Variants in OSBPL3 observed in about 807,000 individuals in gnomAD.
The protein encoded by OSBPL3 is oxysterol-binding protein-related protein 3.
Under a neutral mutation model 120.1 loss-of-function variants are expected in OSBPL3, and 65 were observed. That is an observed-to-expected ratio of 0.54 (90% CI 0.44 to 0.67). The LOEUF is 0.67. Among genes scored for constraint, OSBPL3 ranks in the 30% least tolerant of loss-of-function variants. The pLI, the probability that OSBPL3 is intolerant of heterozygous loss-of-function variation, is 0.00. For missense variants in OSBPL3, 1,004 were observed against 1,082.1 expected, an observed-to-expected ratio of 0.93 and a Z score of 1.01; for synonymous variants, 416 against 402.6, an observed-to-expected ratio of 1.03 and a Z score of -0.40.
intron 12 of OSBPL3, among the ~76,000 whole-genome samples, chr7:24,843,511 C>T (rs142061971): frequency 6.6e-6 from 1 of 152,230 alleles, no homozygotes; most frequent in African/African-American, 2.4e-5. Flanking sequence ...AGGATATACC[C>T]CTCAGTCTCA....
At chr7:24,832,251 C>G (rs1223658421) in intron 15 of OSBPL3, among the ~76,000 whole-genome samples, 2 of 148,560 alleles carry the variant, frequency 1.3e-5, no homozygotes, top group Non-Finnish European at 3.0e-5. Context: ...GTAGCTCACA[C>G]CTGTAATCTC....
intron 1 of OSBPL3, among the ~76,000 whole-genome samples, chr7:24,979,198 G>A (rs1314806959): frequency 6.6e-6 from 1 of 152,156 alleles, no homozygotes; most frequent in Non-Finnish European, 1.5e-5. Context: ...AGACGCTGCA[G>A]GGCCTCCAGG....
intron 13 of OSBPL3, among the ~76,000 whole-genome samples, chr7:24,842,011 TA>T (rs879318638): frequency 0.01 from 1,426 of 141,270 alleles, 8 homozygotes; most frequent in Non-Finnish European, 0.014. Context: ...AGGCTCTGTT[TA>T]AAAAAAAAAA....
At chr7:24,865,220 C>A (rs550388295) in intron 7 of OSBPL3, 122 bp downstream of exon 7, 2 of 1,053,850 alleles carry the variant, frequency 1.9e-6, no homozygotes, top group Non-Finnish European at 1.4e-6. Context: ...CCTTTACAAG[C>A]AAAATATGGA....
Position 24,896,759 on chromosome 7 carries a change from T to C in OSBPL3, c.-149-4138A>G, listed in dbSNP as rs1444187110. Among the ~76,000 whole-genome samples, 1 of 152,144 alleles carries C rather than the reference T, an allele frequency of 6.6e-6. No individual in the cohort carries two copies. The highest frequency in any genetic ancestry group is 1.5e-5 in the Non-Finnish European group (1 of 68,022). On this transcript the variant is annotated intron_variant, in intron 1 of 22. Transcript: ENST00000313367. This position sits in a 1 kb window ranked among gnomAD's most constrained non-coding sequence, Gnocchi z 4.4. ...TTTTCCTGTATAAAATGGGGAATAA[T>C]AATAGCCACCCCAGAAAATTAGAAG...
intron 1 of OSBPL3, among the ~76,000 whole-genome samples, chr7:24,925,513 C>G (rs1023978419): frequency 1.3e-5 from 2 of 152,162 alleles, no homozygotes; most frequent in African/African-American, 4.8e-5. Context: ...AGTGGACAGG[C>G]CTGTTTGAGG....
At chr7:24,893,233 C>T (rs532442934) in intron 1 of OSBPL3, among the ~76,000 whole-genome samples, 55 of 152,244 alleles carry the variant, frequency 3.6e-4, no homozygotes, top group African/African-American at 1.2e-3. Flanking sequence ...AAATGTCCAT[C>T]AACTGATGAA....
chr7:24,841,994 C>G (rs1165303625), intron 13 of OSBPL3, among the ~76,000 whole-genome samples: 3 of 149,674 alleles, frequency 2.0e-5, no homozygotes, highest in Non-Finnish European at 4.4e-5. Flanking sequence ...GCCTGGACAA[C>G]AGAGCGAGGC....
rs1343996386 is a variant in OSBPL3 at position 24,813,005 on chromosome 7, A to G, written c.2172+2054T>C. 6.6e-6 allele frequency among the ~76,000 whole-genome samples: 1 copy of G among 152,140 alleles called. No individual in the cohort carries two copies. The highest frequency in any genetic ancestry group is 2.4e-5 in the African/African-American group (1 of 41,422). On this transcript the variant is annotated intron_variant, in intron 19 of 22. Transcript: ENST00000313367. This position sits in a 1 kb window ranked among gnomAD's most constrained non-coding sequence, Gnocchi z 4.5. ...GTGCTCCTTCTGCCTCAGCCTCTCCAGCAGCTGGGACTACAGGTGCATGCC... is the reference window on the plus strand; with the variant it reads ...GTGCTCCTTCTGCCTCAGCCTCTCCGGCAGCTGGGACTACAGGTGCATGCC...
rs1453809597 is a variant in OSBPL3 at position 24,815,574 on chromosome 7, GT to G, written c.2028-372del. Among the ~76,000 whole-genome samples the G allele has an allele frequency of 6.6e-6, 1 of 152,208 alleles. No individual in the cohort carries two copies. The highest frequency in any genetic ancestry group is 1.5e-5 in the Non-Finnish European group (1 of 68,036). On this transcript the variant is annotated intron_variant, in intron 18 of 22. Coordinates refer to ENST00000313367, the MANE Select transcript of OSBPL3 (RefSeq NM_015550.4). This position sits in a 1 kb window ranked among gnomAD's most constrained non-coding sequence, Gnocchi z 5.1. ...AGGGAAGCTTGAGAAAGGGATGAAG[GT>G]TTTATACAATCTGCTAAACATACAT...
chr7:24,803,476 C>A lies in OSBPL3; in HGVS notation c.2567+839G>T, dbSNP rs1277117603. Reference sequence around the variant, plus strand: ...GTGAAGGGTTGAAGATCTCTCATACCTCCTTTAAAAATTTATATCTATTGG... The same window carrying A: ...GTGAAGGGTTGAAGATCTCTCATACATCCTTTAAAAATTTATATCTATTGG... On this transcript the variant is annotated intron_variant, in intron 22 of 22. Coordinates refer to ENST00000313367, the MANE Select transcript of OSBPL3 (RefSeq NM_015550.4). The surrounding 1 kb of genome is among the most constrained non-coding windows in gnomAD (Gnocchi z 4.2). Among the ~76,000 whole-genome samples the A allele has an allele frequency of 6.6e-6, 1 of 152,032 alleles. No homozygotes were observed. Among genetic ancestry groups the A allele is most frequent in the Non-Finnish European group, 1.5e-5 (1 of 68,008 alleles).
rs765716332 is a variant in OSBPL3, at chr7:24,834,734, G to A, written c.1498C>T (p.Pro500Ser). ...GCTTCCCGACCACTATCAAGGACAG[G>A]CCCTGAAAGGGAAAGAGGCCTGGTT... ...DLDNERQTLG[P>S]VLDSGREAKS... The change falls in exon 15 of 23, where the codon CCT (proline) becomes TCT (serine). Residue 500 changes from proline to serine, a missense_variant and splice_region_variant. By Grantham distance (74) the Pro-to-Ser change is moderately conservative. Around this residue, in one of 4 missense-constraint regions of OSBPL3, gnomAD observed 473 missense variants for 568.0 expected, o/e 0.83. Coordinates refer to ENST00000313367, the MANE Select transcript of OSBPL3 (RefSeq NM_015550.4). This position sits in a 1 kb window ranked among gnomAD's most constrained non-coding sequence, Gnocchi z 5.2. 3.9e-5 allele frequency: 63 copies of A among 1,599,870 alleles called. No homozygotes were observed. Among genetic ancestry groups the A allele is most frequent in the Middle Eastern group, 3.3e-4 (2 of 5,992 alleles).
At chr7:24,832,385 CT>C (rs1410304743) in intron 15 of OSBPL3, among the ~76,000 whole-genome samples, 1 of 151,614 alleles carries the variant, frequency 6.6e-6, no homozygotes. Flanking sequence ...TGGCGCACGC[CT>C]GTAATCCCAG....
Position 24,833,768 on chromosome 7 carries a change from A to C in OSBPL3, c.1746+718T>G, listed in dbSNP as rs937759756. Among the ~76,000 whole-genome samples the C allele has an allele frequency of 9.2e-5, 14 of 152,178 alleles. No individual in the cohort carries two copies. Among genetic ancestry groups the C allele is most frequent in the African/African-American group, 2.9e-4 (12 of 41,444 alleles). On this transcript the variant is annotated intron_variant, in intron 15 of 22. Coordinates refer to ENST00000313367, the MANE Select transcript of OSBPL3 (RefSeq NM_015550.4). The surrounding 1 kb of genome is among the most constrained non-coding windows in gnomAD (Gnocchi z 4.4). ...TTCAAGAACAAAGTTAGTCACAGTC[A>C]TAGAGAGGGCTGATCTGCCCAGAGT...
chr7:24,950,862 C>G (rs927966962), intron 1 of OSBPL3, among the ~76,000 whole-genome samples: 2 of 151,992 alleles, frequency 1.3e-5, no homozygotes, highest in Non-Finnish European at 2.9e-5. Flanking sequence ...CAAGTCACCA[C>G]AGAGGACTGT....
Position 24,820,166 on chromosome 7 carries a change from G to T in OSBPL3, c.1948+9C>A. Reference sequence around the variant, plus strand: ...AATATGATGGAAGTAAAATGTATTAGCACATTACCTTGCCAGAAAACAAAA... The same window carrying T: ...AATATGATGGAAGTAAAATGTATTATCACATTACCTTGCCAGAAAACAAAA... On this transcript the variant is annotated intron_variant, in intron 17 of 22. Coordinates refer to ENST00000313367, the MANE Select transcript of OSBPL3 (RefSeq NM_015550.4). The surrounding 1 kb of genome is among the most constrained non-coding windows in gnomAD (Gnocchi z 4.6). 6.4e-7 allele frequency: 1 copy of T among 1,572,558 alleles called. No homozygotes were observed. The highest frequency in any genetic ancestry group is 8.7e-7 in the Non-Finnish European group (1 of 1,143,426).
intron 2 of OSBPL3, among the ~76,000 whole-genome samples, chr7:24,884,366 C>G (rs1021581932): frequency 6.6e-6 from 1 of 152,158 alleles, no homozygotes; most frequent in Non-Finnish European, 1.5e-5. Flanking sequence ...GCTGTATTTC[C>G]TTTCCACAGT....
intron 1 of OSBPL3, among the ~76,000 whole-genome samples, chr7:24,904,683 A>G (rs1256878541): frequency 6.6e-6 from 1 of 152,196 alleles, no homozygotes; most frequent in Non-Finnish European, 1.5e-5. Flanking sequence ...AACTAAAGAA[A>G]TCTTACAATG....
At position 24,899,046 on chromosome 7, in the gene OSBPL3, A is replaced by ACCAT. The variant is rs1562902168; in HGVS notation, c.-149-6429_-149-6426dup. Among the ~76,000 whole-genome samples the ACCAT allele has an allele frequency of 6.6e-6, 1 of 152,058 alleles. No individual in the cohort carries two copies. The highest frequency in any genetic ancestry group is 1.5e-5 in the Non-Finnish European group (1 of 67,990). On this transcript the variant is annotated intron_variant, in intron 1 of 22. Transcript: ENST00000313367. The surrounding 1 kb of genome is among the most constrained non-coding windows in gnomAD (Gnocchi z 4.0). ...AACCATAACCTGCACTGAAACCACC[A>ACCAT]CCATCCCCACATCCCACCCAGCAAA...
Sources: allele counts gnomAD v4.1 joint callset (sites outside exome capture counted in the v4.1 genomes callset), GRCh38; gene constraint gnomAD v4.1.1; regional missense constraint gnomAD v4.1.1; non-coding constraint Gnocchi (gnomAD v3.1); transcripts MANE v1.5; gene names NCBI Gene and HGNC (gene_info 2026-07-23, HGNC 2026-07-21).